Variants in SFMBT1 observed in about 807,000 individuals in gnomAD.
SFMBT1 encodes the protein scm-like with four MBT domains protein 1.
A neutral mutation model predicts 108.7 loss-of-function variants in SFMBT1; 32 were observed. The observed-to-expected ratio is 0.29, with a 90% CI of 0.22 to 0.40. The LOEUF (loss-of-function observed/expected upper bound fraction) is 0.40, where lower values mean the gene tolerates loss of function less well. SFMBT1 is among the 10% of genes least tolerant of loss of function. The pLI is 1.00. For missense variants in SFMBT1, 816 were observed against 1,059.6 expected, an observed-to-expected ratio of 0.77 and a Z score of 3.19; for synonymous variants, 348 against 369.5, an observed-to-expected ratio of 0.94 and a Z score of 0.67.
At chr3:53,034,511 C>T (rs986976523) in intron 1 of SFMBT1, among the ~76,000 whole-genome samples, 2 of 151,700 alleles carry the variant, frequency 1.3e-5, no homozygotes, top group Non-Finnish European at 2.9e-5. Flanking sequence ...AACCAGGAGG[C>T]GGAGGTTGCA....
chr3:53,009,438 T>A (rs900781675), intron 1 of SFMBT1, among the ~76,000 whole-genome samples: 7 of 151,854 alleles, frequency 4.6e-5, no homozygotes, highest in East Asian at 1.9e-4. Context: ...TCTCAAAAAA[T>A]AAATAAATAA....
intron 1 of SFMBT1, among the ~76,000 whole-genome samples, chr3:53,026,435 T>C (rs1251223911): frequency 6.6e-6 from 1 of 152,120 alleles, no homozygotes; most frequent in East Asian, 1.9e-4. Flanking sequence ...GACTCACACG[T>C]AGCCACTCAG....
intron 6 of SFMBT1, among the ~76,000 whole-genome samples, chr3:52,931,383 T>C (rs1195501132): frequency 6.6e-6 from 1 of 152,210 alleles, no homozygotes; most frequent in Non-Finnish European, 1.5e-5. Context: ...GTATTTCTTT[T>C]AATCAACAAT....
intron 3 of SFMBT1, among the ~76,000 whole-genome samples, chr3:52,944,343 GAGAC>G (rs886451348): frequency 2.4e-4 from 36 of 152,258 alleles, no homozygotes; most frequent in African/African-American, 7.9e-4. Context: ...TAGGCAGATA[GAGAC>G]AGACAGACAG....
chr3:52,925,594 G>A (rs1313008736), intron 10 of SFMBT1, among the ~76,000 whole-genome samples: 1 of 152,204 alleles, frequency 6.6e-6, no homozygotes, highest in Non-Finnish European at 1.5e-5. Context: ...TCTGGGAAGG[G>A]AGACTGTGAA....
intron 3 of SFMBT1, among the ~76,000 whole-genome samples, chr3:52,953,411 G>A (rs1407339265): frequency 4.0e-5 from 6 of 150,644 alleles, no homozygotes; most frequent in African/African-American, 9.8e-5. Flanking sequence ...TATGATGGGC[G>A]ATGGAGTGAG....
chr3:52,935,147 C>T (rs151117690), intron 4 of SFMBT1, among the ~76,000 whole-genome samples: 32 of 152,278 alleles, frequency 2.1e-4, no homozygotes, highest in African/African-American at 7.2e-4. Context: ...CTACCTATTC[C>T]TATAATTTTA....
chr3:52,998,671 G>A (rs1575428364), intron 1 of SFMBT1, among the ~76,000 whole-genome samples: 3 of 150,592 alleles, frequency 2.0e-5, no homozygotes, highest in South Asian at 2.1e-4. Context: ...CTCGTGCCAC[G>A]CTGGTTCTGC....
intron 20 of SFMBT1, among the ~76,000 whole-genome samples, chr3:52,905,842 T>G (rs895902817): frequency 6.6e-6 from 1 of 152,154 alleles, no homozygotes; most frequent in Non-Finnish European, 1.5e-5. Flanking sequence ...TTTGAAAAGA[T>G]GTGGACAATT....
At chr3:52,974,882 T>C (rs932176905) in intron 1 of SFMBT1, among the ~76,000 whole-genome samples, 2 of 149,224 alleles carry the variant, frequency 1.3e-5, no homozygotes, top group Non-Finnish European at 3.0e-5. Context: ...TGGCACATGC[T>C]TGTAATCCCA....
intron 2 of SFMBT1, among the ~76,000 whole-genome samples, chr3:52,961,298 G>A (rs899426761): frequency 9.2e-5 from 14 of 152,322 alleles, no homozygotes; most frequent in Admixed American, 9.2e-4. Context: ...TGGGGAATGG[G>A]GAGTTACTGT....
chr3:52,911,126 G>A lies in SFMBT1; in HGVS notation c.1783C>T (p.Arg595Trp), dbSNP rs1295175089. The A allele has an allele frequency of 8.1e-6, 13 of 1,613,904 alleles. No individual in the cohort carries two copies. Among genetic ancestry groups the A allele is most frequent in the Non-Finnish European group, 1.0e-5 (12 of 1,179,982 alleles). Reference sequence around the variant, plus strand: ...GTTTGCCGGCAGAATTCAGTCACCCGATCTGCTGTTTTCACTATCTCAACA... The same window carrying A: ...GTTTGCCGGCAGAATTCAGTCACCCAATCTGCTGTTTTCACTATCTCAACA... Reference protein sequence around the residue: ...ATVEIVKTADRVTEFCRQTCI... With the variant: ...ATVEIVKTADWVTEFCRQTCI... The change falls in exon 17 of 21, where the codon CGG (arginine) becomes TGG (tryptophan). Residue 595 changes from arginine (R) to tryptophan (W), a missense_variant. Arg to Trp is a moderately radical substitution (Grantham distance 101). Transcript: ENST00000394752.
At chr3:52,921,175 G>A (rs1702509541) in intron 11 of SFMBT1, among the ~76,000 whole-genome samples, 1 of 152,210 alleles carries the variant, frequency 6.6e-6, no homozygotes, top group African/African-American at 2.4e-5. Flanking sequence ...ATCAGAAACA[G>A]TAGGTACCTT....
intron 1 of SFMBT1, among the ~76,000 whole-genome samples, chr3:52,996,315 G>C (rs1259936467): frequency 7.2e-6 from 1 of 139,448 alleles, no homozygotes; most frequent in Non-Finnish European, 1.5e-5. Flanking sequence ...GGGTTCAAGT[G>C]ATCCTCCTGC....
intron 1 of SFMBT1, among the ~76,000 whole-genome samples, chr3:53,023,322 G>A (rs1699375836): frequency 6.6e-6 from 1 of 152,176 alleles, no homozygotes; most frequent in Non-Finnish European, 1.5e-5. Flanking sequence ...TTCCTGTCTT[G>A]TTCCATTTCT....
At chr3:52,970,410 T>C (rs1257803853) in intron 1 of SFMBT1, among the ~76,000 whole-genome samples, 1 of 152,194 alleles carries the variant, frequency 6.6e-6, no homozygotes, top group Non-Finnish European at 1.5e-5. Context: ...TTCTTTCACT[T>C]ATCATGTTTT....
chr3:53,005,792 T>C (rs2106920045), intron 1 of SFMBT1, among the ~76,000 whole-genome samples: 1 of 152,308 alleles, frequency 6.6e-6, no homozygotes, highest in Admixed American at 6.5e-5. Context: ...GTAAACGATG[T>C]GAATATGGGT....
chr3:53,012,559 C>T (rs530910448), intron 1 of SFMBT1, among the ~76,000 whole-genome samples: 1 of 151,942 alleles, frequency 6.6e-6, no homozygotes, highest in Non-Finnish European at 1.5e-5. Flanking sequence ...CCCGCCACCA[C>T]GCCCGGCTAA....
chr3:52,913,419 T>C lies in SFMBT1; in HGVS notation c.1620+59A>G, dbSNP rs1702262999. The C allele has an allele frequency of 1.0e-5, 16 of 1,566,024 alleles. No homozygotes were observed. The South Asian group carries it at 1.3e-4, about 13-fold the overall frequency. ...TATGGCATGTGGCTCCCTGTAGAAA[T>C]GACCATAGGAGAATGCTGTGAAATT... On this transcript the variant is annotated intron_variant, in intron 15 of 20. Transcript: ENST00000394752.
Sources: gnomAD v4.1 joint callset for allele counts (sites outside exome capture counted in the v4.1 genomes callset) on GRCh38, gnomAD v4.1.1 for gene constraint, MANE v1.5 for transcripts, NCBI Gene and HGNC (gene_info 2026-07-23, HGNC 2026-07-21) for gene names.